TAPBPL: variants seen among roughly 807,000 people sequenced by gnomAD.
TAPBPL encodes the protein tapasin-related protein.
Under a neutral mutation model 44.8 loss-of-function variants are expected in TAPBPL, and 32 were observed. The observed-to-expected ratio is 0.71, with a 90% CI of 0.54 to 0.96. TAPBPL has a LOEUF of 0.96. Ranked by LOEUF, TAPBPL falls within the 40% of genes least tolerant of loss-of-function variation. The probability of loss-of-function intolerance (pLI) is 0.00; values close to 1 mark genes in which losing one functional copy is unlikely to be tolerated. For synonymous variants in TAPBPL, 230 were observed against 240.7 expected (o/e 0.96, Z 0.41); for missense variants, 520 against 586.6 (o/e 0.89, Z 1.17).
At chr12:6,470,874 C>T (rs1349441920), downstream of TAPBPL, 2 of 416,974 alleles carry the variant, frequency 4.8e-6, no homozygotes, top group Admixed American at 3.8e-5. Context: ...GAGGATCCTT[C>T]AGTGATCAAT....
At position 6,457,620 on chromosome 12, in the gene TAPBPL, G is replaced by A. The variant is rs761499216; in HGVS notation, c.780G>A (p.Leu260=). 1 of 1,614,186 alleles carries A rather than the reference G, an allele frequency of 6.2e-7. No individual in the cohort carries two copies. Among genetic ancestry groups the A allele is most frequent in the Admixed American group, 1.7e-5 (1 of 60,024 alleles). The change falls in exon 4 of 7, where the codon CTG becomes CTA. Residue 260 remains leucine (L), a synonymous_variant. Transcript: ENST00000266556. ...GCGCTACCCTGGAGCCTGCACAACT[G>A]GGCATGGCCAGGGATGCCTCCCTCA... ...RKGATLEPAQ[L]GMARDASLTL... is the part of the protein sequence containing the mutation.
intron 5 of TAPBPL, among the ~76,000 whole-genome samples, chr12:6,460,483 T>G (rs1282242975): frequency 6.6e-6 from 1 of 152,098 alleles, no homozygotes; most frequent in African/African-American, 2.4e-5. Context: ...CCCAGGCTGG[T>G]CTCGAACTCC....
At chr12:6,466,017 A>C (rs1565526992), downstream of TAPBPL, 1 of 1,614,046 alleles carries the variant, frequency 6.2e-7, no homozygotes, top group East Asian at 2.2e-5. Flanking sequence ...AGGGCACAGA[A>C]ACAAAGCAGC....
chr12:6,462,022 T>G lies in TAPBPL; in HGVS notation c.1292-12T>G. 1 of 1,606,312 alleles carries G rather than the reference T, an allele frequency of 6.2e-7. No homozygotes were observed. Among genetic ancestry groups the G allele is most frequent in the Non-Finnish European group, 8.5e-7 (1 of 1,174,612 alleles). On this transcript the variant is annotated splice_polypyrimidine_tract_variant and intron_variant, in intron 6 of 6. Transcript: ENST00000266556. ...GCCCACGCAACTTCCTGTCTTCACTTCCTCTTACCAGCACCTACAGGACTT... is the reference window on the plus strand; with the variant it reads ...GCCCACGCAACTTCCTGTCTTCACTGCCTCTTACCAGCACCTACAGGACTT...
chr12:6,459,769 A>C (rs1949799462), intron 5 of TAPBPL, among the ~76,000 whole-genome samples: 2 of 125,520 alleles, frequency 1.6e-5, no homozygotes, highest in Admixed American at 1.6e-4. Flanking sequence ...TATTTATTTT[A>C]TTTTATTTTA....
chr12:6,465,416 A>ATATATATATAAATGTATATATATG (rs1565526280), downstream of TAPBPL: 8 of 93,452 alleles, frequency 8.6e-5, no homozygotes, highest in South Asian at 3.5e-4. Flanking sequence ...ATATATATGT[A>ATATATATATAAATGTATATATATG]TATATATATA....
chr12:6,454,527 C>T (rs1185762059), intron 3 of TAPBPL, among the ~76,000 whole-genome samples: 1 of 152,170 alleles, frequency 6.6e-6, no homozygotes, highest in Non-Finnish European at 1.5e-5. Context: ...CAGCCCCTAC[C>T]TGAACGTCCC....
Position 6,452,195 on chromosome 12 carries a change from C to A in TAPBPL, c.-54C>A. 6.5e-7 allele frequency: 1 copy of A among 1,549,590 alleles called. No homozygotes were observed. The highest frequency in any genetic ancestry group is 8.7e-7 in the Non-Finnish European group (1 of 1,144,396). On this transcript the variant is annotated 5_prime_UTR_variant, in exon 1 of 7. Coordinates refer to ENST00000266556, the MANE Select transcript of TAPBPL (RefSeq NM_018009.5). ...TTCTTCCGCCGGGCCTCGCAAGCAG[C>A]GTAGGACTGTGGAGAAGGGCGGTGG...
At chr12:6,466,032 C>A (rs1318366501), downstream of TAPBPL, 2 of 1,613,462 alleles carry the variant, frequency 1.2e-6, no homozygotes, top group African/African-American at 2.7e-5. Context: ...AGCAGCTAAG[C>A]TTCCTGCCAG....
Position 6,453,040 on chromosome 12 carries a change from G to C in TAPBPL, c.65-27G>C. 1 of 1,547,058 alleles carries C rather than the reference G, an allele frequency of 6.5e-7. No individual in the cohort carries two copies. The highest frequency in any genetic ancestry group is 8.7e-7 in the Non-Finnish European group (1 of 1,143,160). ...TGTGGAGTAGCTTTCTGGGGAAGGC[G>C]GTGCTCACCCCAGCCTTTGTCTGCA... On this transcript the variant is annotated intron_variant, in intron 1 of 6. Transcript: ENST00000266556. This position sits in a 1 kb window ranked among gnomAD's most constrained non-coding sequence, Gnocchi z 4.8.
At chr12:6,463,975 C>G (rs1761688691), downstream of TAPBPL, 1 of 1,290,522 alleles carries the variant, frequency 7.7e-7, no homozygotes, top group African/African-American at 1.5e-5. This position sits in a 1 kb window ranked among gnomAD's most constrained non-coding sequence, Gnocchi z 4.0. Context: ...CCCCCAGGAC[C>G]CTCTTCAGGC....
intron 3 of TAPBPL, among the ~76,000 whole-genome samples, chr12:6,456,446 C>T (rs1224125588): frequency 2.0e-5 from 3 of 151,000 alleles, no homozygotes; most frequent in African/African-American, 7.3e-5. Context: ...CTCACCACAA[C>T]CTCCGCCTCC....
In TAPBPL at chr12:6,458,431, T is replaced by C. The variant is rs138558178; in HGVS notation, c.905-214T>C. ...CAGTAAGAAGCCAGCCAATCTTTAGTTGGCTTTACTATCTGTTTTCTGGAA... is the reference window on the plus strand; with the variant it reads ...CAGTAAGAAGCCAGCCAATCTTTAGCTGGCTTTACTATCTGTTTTCTGGAA... On this transcript the variant is annotated intron_variant, in intron 4 of 6. Coordinates refer to ENST00000266556, the MANE Select transcript of TAPBPL (RefSeq NM_018009.5). 5.1e-3 allele frequency among the ~76,000 whole-genome samples: 767 copies of C among 151,758 alleles called. 9 individuals are homozygous for C. Among genetic ancestry groups the C allele is most frequent in the African/African-American group, 0.017 (695 of 41,378 alleles).
At chr12:6,464,466 A>C, downstream of TAPBPL, 2 of 1,550,630 alleles carry the variant, frequency 1.3e-6, no homozygotes, top group South Asian at 2.4e-5. Flanking sequence ...GGGGTGGTAC[A>C]TTCTCAAGTA....
At chr12:6,470,501 G>A (rs771527904), downstream of TAPBPL, 11 of 1,613,832 alleles carry the variant, frequency 6.8e-6, no homozygotes, top group Admixed American at 1.7e-5. Flanking sequence ...TCAAGGAGGT[G>A]CCGAGCCCCC....
rs529615678 is a variant in TAPBPL at position 6,455,499 on chromosome 12, A to T, written c.565+1783A>T. ...CTTTATAGTCTCACCATCTCCCGAC[A>T]CTGGCAATTCTGAATATTATCAGTG... On this transcript the variant is annotated intron_variant, in intron 3 of 6. Transcript: ENST00000266556. Among the ~76,000 whole-genome samples the T allele has an allele frequency of 3.5e-4, 54 of 152,294 alleles. No homozygotes were observed. In the East Asian group the frequency reaches 3.7e-3, roughly 10 times the overall value.
At chr12:6,462,693 C>T (rs1949908787), downstream of TAPBPL, 2 of 941,198 alleles carry the variant, frequency 2.1e-6, no homozygotes, top group African/African-American at 1.7e-5. Context: ...GGATTCGCTC[C>T]AGGCTTGGGA....
intron 3 of TAPBPL, among the ~76,000 whole-genome samples, chr12:6,456,666 T>C (rs1949710407): frequency 6.6e-6 from 1 of 151,572 alleles, no homozygotes; most frequent in Non-Finnish European, 1.5e-5. Flanking sequence ...TTTTTACATT[T>C]TTTTTGAGAC....
At chr12:6,463,201 C>T, downstream of TAPBPL, 1 of 1,435,744 alleles carries the variant, frequency 7.0e-7, no homozygotes, top group Non-Finnish European at 9.1e-7. The surrounding 1 kb of genome is among the most constrained non-coding windows in gnomAD (Gnocchi z 4.0). Flanking sequence ...AGAATTCAGA[C>T]AGGAAAGGGT....
Sources: allele counts gnomAD v4.1 joint callset (sites outside exome capture counted in the v4.1 genomes callset), GRCh38; gene constraint gnomAD v4.1.1; non-coding constraint Gnocchi (gnomAD v3.1); transcripts MANE v1.5; gene names NCBI Gene and HGNC (gene_info 2026-07-23, HGNC 2026-07-21).